MALRD1: variants seen among roughly 807,000 people sequenced by gnomAD.
The protein encoded by MALRD1 is MAM and LDL-receptor class A domain-containing protein 1.
MALRD1 carries 247 observed loss-of-function variants against 242.1 expected under a neutral mutation model. The observed-to-expected ratio is 1.02, with a 90% CI of 0.92 to 1.13. The LOEUF (loss-of-function observed/expected upper bound fraction) is 1.13, where lower values mean the gene tolerates loss of function less well. Among genes scored for constraint, MALRD1 ranks in the 50% most tolerant of loss-of-function variants. The probability of loss-of-function intolerance (pLI) is 0.00; values close to 1 mark genes in which losing one functional copy is unlikely to be tolerated. For synonymous variants in MALRD1, 995 were observed against 866.6 expected, an observed-to-expected ratio of 1.15 and a Z score of -2.60; for missense variants, 2,989 against 2,533.1, an observed-to-expected ratio of 1.18 and a Z score of -3.86.
At chr10:19,608,855 T>A (rs897158429) in intron 35 of MALRD1, among the ~76,000 whole-genome samples, 3 of 152,042 alleles carry the variant, frequency 2.0e-5, no homozygotes, top group Non-Finnish European at 4.4e-5. Flanking sequence ...CCATAAAATG[T>A]GCAAAGATGG....
At chr10:19,172,099 A>G (rs767015921) in intron 13 of MALRD1, among the ~76,000 whole-genome samples, 96 of 141,146 alleles carry the variant, frequency 6.8e-4, no homozygotes, top group Middle Eastern at 4.6e-3. Context: ...GTGTATATGT[A>G]TCAGTTTGGT....
At chr10:19,261,331 C>T (rs1269256466) in intron 19 of MALRD1, among the ~76,000 whole-genome samples, 1 of 150,268 alleles carries the variant, frequency 6.7e-6, no homozygotes, top group African/African-American at 2.5e-5. Flanking sequence ...AATGGCATAA[C>T]AAAATAAACT....
intron 2 of MALRD1, among the ~76,000 whole-genome samples, chr10:19,079,857 A>G (rs1036397354): frequency 3.3e-5 from 5 of 152,072 alleles, no homozygotes; most frequent in Non-Finnish European, 4.4e-5. Flanking sequence ...ACATGATCCT[A>G]TATCTAGAAA....
intron 28 of MALRD1, among the ~76,000 whole-genome samples, chr10:19,414,904 A>G (rs573477625): frequency 2.0e-5 from 3 of 152,240 alleles, no homozygotes; most frequent in Non-Finnish European, 4.4e-5. Flanking sequence ...GCCAAAGACT[A>G]CAGGTTTCAT....
chr10:19,730,452 T>C, intron 38 of MALRD1: 1 of 506,564 alleles, frequency 2.0e-6, no homozygotes, highest in East Asian at 3.7e-5. Context: ...GCAATTTCTT[T>C]TATTTGCCTG....
chr10:19,433,871 AACAC>A (rs144149293), intron 28 of MALRD1, among the ~76,000 whole-genome samples: 2 of 150,352 alleles, frequency 1.3e-5, no homozygotes, highest in African/African-American at 2.4e-5. Flanking sequence ...TTATATGGCA[AACAC>A]ACACACACAC....
At chr10:19,567,817 C>T (rs1245830967) in intron 33 of MALRD1, 114 bp downstream of exon 33, 3 of 941,966 alleles carry the variant, frequency 3.2e-6, no homozygotes, top group Non-Finnish European at 4.7e-6. Flanking sequence ...GTTCTATTTA[C>T]ACATGGAAAA....
chr10:19,638,101 C>CAAAAAAAAAAAAAAAAAA (rs56865342), intron 36 of MALRD1, among the ~76,000 whole-genome samples: 2 of 41,922 alleles, frequency 4.8e-5, no homozygotes, highest in African/African-American at 1.2e-4. Flanking sequence ...AACTCACTCT[C>CAAAAAAAAAAAAAAAAAA]AAAAAAAAAA....
At chr10:19,267,097 T>C (rs981296544) in intron 19 of MALRD1, among the ~76,000 whole-genome samples, 2 of 152,090 alleles carry the variant, frequency 1.3e-5, no homozygotes, top group African/African-American at 4.8e-5. Context: ...AGATAGCTAG[T>C]TTATTTAGAA....
intron 33 of MALRD1, among the ~76,000 whole-genome samples, 160 bp from the exon 34 acceptor site, chr10:19,595,034 A>G (rs1006840742): frequency 2.0e-5 from 3 of 152,202 alleles, no homozygotes; most frequent in Non-Finnish European, 2.9e-5. Flanking sequence ...ATATTCTTGA[A>G]TCAGGTTTGT....
At chr10:19,557,544 T>C (rs1389972701) in intron 32 of MALRD1, among the ~76,000 whole-genome samples, 1 of 152,144 alleles carries the variant, frequency 6.6e-6, no homozygotes, top group East Asian at 1.9e-4. Context: ...CCTTTCTGCA[T>C]TGGATTGCCT....
intron 18 of MALRD1, among the ~76,000 whole-genome samples, chr10:19,212,391 A>C (rs1837110181): frequency 1.3e-5 from 2 of 152,206 alleles, no homozygotes; most frequent in Non-Finnish European, 1.5e-5. Context: ...TTTTACCTCT[A>C]GAGTCTGCCT....
intron 14 of MALRD1, among the ~76,000 whole-genome samples, chr10:19,180,795 G>GA (rs934552749): frequency 6.6e-6 from 1 of 152,022 alleles, no homozygotes; most frequent in African/African-American, 2.4e-5. Flanking sequence ...TGCATATCGG[G>GA]AAAAATATTT....
chr10:19,393,615 T>A (rs1175892526), intron 28 of MALRD1, among the ~76,000 whole-genome samples: 1 of 149,042 alleles, frequency 6.7e-6, no homozygotes, highest in Non-Finnish European at 1.5e-5. Context: ...CTGGCTAATT[T>A]TTTTTTTTTT....
chr10:19,499,491 A>G (rs908330012), intron 31 of MALRD1, among the ~76,000 whole-genome samples: 1 of 151,730 alleles, frequency 6.6e-6, no homozygotes, highest in Non-Finnish European at 1.5e-5. Context: ...AGGATCCCCA[A>G]GGGAATGTCT....
At chr10:19,081,597 G>A (rs1198423353) in intron 2 of MALRD1, among the ~76,000 whole-genome samples, 1 of 151,970 alleles carries the variant, frequency 6.6e-6, no homozygotes. Flanking sequence ...GGGAACAACA[G>A]ACACTGGGAC....
At chr10:19,087,063 T>C (rs1835693194) in intron 2 of MALRD1, among the ~76,000 whole-genome samples, 1 of 152,062 alleles carries the variant, frequency 6.6e-6, no homozygotes, top group South Asian at 2.1e-4. Context: ...AGCTATCTTA[T>C]CTGTATTTTA....
chr10:19,336,423 A>T (rs1939485958), intron 24 of MALRD1, among the ~76,000 whole-genome samples: 1 of 152,210 alleles, frequency 6.6e-6, no homozygotes, highest in African/African-American at 2.4e-5. Context: ...ACCTAAGGGC[A>T]TATGTAACAC....
chr10:19,465,927 A>G (rs1202097279), intron 29 of MALRD1, among the ~76,000 whole-genome samples: 1 of 152,086 alleles, frequency 6.6e-6, no homozygotes, highest in Non-Finnish European at 1.5e-5. Flanking sequence ...TTCCTTTTTC[A>G]ATTTAGGTGA....
Sources: gnomAD v4.1 joint callset for allele counts (sites outside exome capture counted in the v4.1 genomes callset) on GRCh38, gnomAD v4.1.1 for gene constraint, MANE v1.5 for transcripts, NCBI Gene and HGNC (gene_info 2026-07-23, HGNC 2026-07-21) for gene names.